CORIN: variants seen among roughly 807,000 people sequenced by gnomAD.
The protein encoded by CORIN is atrial natriuretic peptide-converting enzyme.
A neutral mutation model predicts 125.3 loss-of-function variants in CORIN; 117 were observed. The observed-to-expected ratio is 0.93, with a 90% confidence interval of 0.80 to 1.09. The LOEUF is 1.09. Ranked by LOEUF, CORIN falls within the 50% of genes least tolerant of loss-of-function variation. The pLI is 0.00. For missense variants in CORIN, 1,253 were observed against 1,306.7 expected, an observed-to-expected ratio of 0.96 and a Z score of 0.63; for synonymous variants, 450 against 466.4, an observed-to-expected ratio of 0.96 and a Z score of 0.45.
chr4:47,762,953 C>A (rs2109870144), intron 4 of CORIN, among the ~76,000 whole-genome samples: 1 of 152,304 alleles, frequency 6.6e-6, no homozygotes, highest in South Asian at 2.1e-4. Flanking sequence ...TCTCTAGGTG[C>A]TACTGGCCAT....
intron 19 of CORIN, among the ~76,000 whole-genome samples, chr4:47,619,551 T>TA (rs1199996683): frequency 6.6e-6 from 1 of 152,250 alleles, no homozygotes; most frequent in African/African-American, 2.4e-5. Context: ...TTCTTCTGGA[T>TA]AGACTAGGCC....
At chr4:47,764,125 T>A (rs1300497144) in intron 3 of CORIN, among the ~76,000 whole-genome samples, 1 of 152,210 alleles carries the variant, frequency 6.6e-6, no homozygotes, top group East Asian at 1.9e-4. Context: ...TTTAGGTACA[T>A]GAAAGATGCT....
chr4:47,643,222 G>T lies in CORIN; in HGVS notation c.1992C>A (p.Asn664Lys), dbSNP rs1490165516. 2 of 1,612,108 alleles carry T rather than the reference G, an allele frequency of 1.2e-6. No individual in the cohort carries two copies. Among genetic ancestry groups the T allele is most frequent in the African/African-American group, 1.3e-5 (1 of 74,890 alleles). The change falls in exon 15 of 22, where the codon AAC becomes AAA. Residue 664 changes from asparagine (N) to lysine (K), a missense_variant. Physicochemically the swap from Asn to Lys is moderately conservative, Grantham distance 94. Coordinates refer to ENST00000273857, the MANE Select transcript of CORIN (RefSeq NM_006587.4). The part of the protein sequence containing the change: ...FCQDDELECA[N>K]HACVSRDLWC... ...ACAGGTCACGTGACACACACGCATGGTTTGCACATTCCAGCTCATCATCTT... is the reference window on the plus strand; with the variant it reads ...ACAGGTCACGTGACACACACGCATGTTTTGCACATTCCAGCTCATCATCTT...
intron 21 of CORIN, 72 bp from the exon 22 acceptor site, chr4:47,595,975 G>A (rs1285083599): frequency 3.1e-6 from 4 of 1,283,688 alleles, no homozygotes; most frequent in Non-Finnish European, 4.3e-6. Flanking sequence ...CTATCCTGAG[G>A]ATACTATAAA....
intron 5 of CORIN, among the ~76,000 whole-genome samples, chr4:47,717,449 C>A (rs1727144357): frequency 6.6e-6 from 1 of 152,096 alleles, no homozygotes; most frequent in Non-Finnish European, 1.5e-5. Flanking sequence ...CCAAGAAATC[C>A]TTCATTCAGC....
chr4:47,785,809 G>A (rs999240885), intron 3 of CORIN, among the ~76,000 whole-genome samples: 2 of 151,572 alleles, frequency 1.3e-5, no homozygotes, highest in Non-Finnish European at 2.9e-5. Flanking sequence ...CTACTCAGGC[G>A]GCTGAGGCAG....
intron 19 of CORIN, among the ~76,000 whole-genome samples, chr4:47,621,868 C>CT (rs1203583166): frequency 1.4e-5 from 2 of 146,034 alleles, no homozygotes; most frequent in African/African-American, 2.5e-5. Context: ...TTTTTTTATA[C>CT]TTTAAGTTTT....
intron 2 of CORIN, among the ~76,000 whole-genome samples, chr4:47,804,731 TGGGGAG>T (rs1731692811): frequency 1.5e-4 from 2 of 13,456 alleles, no homozygotes; most frequent in Non-Finnish European, 3.2e-4. Context: ...TGGTGGGGGG[TGGGGAG>T]GGGGGGGGTT....
intron 19 of CORIN, among the ~76,000 whole-genome samples, chr4:47,615,067 T>C (rs1255102538): frequency 6.6e-6 from 1 of 152,126 alleles, no homozygotes; most frequent in Non-Finnish European, 1.5e-5. Context: ...GTTTTATGAC[T>C]CTATGAAAGT....
At chr4:47,706,745 T>C in intron 5 of CORIN, 1 of 1,601,770 alleles carries the variant, frequency 6.2e-7, no homozygotes, top group Non-Finnish European at 8.5e-7. Context: ...TGGTGAAGAT[T>C]CCACATACAA....
At chr4:47,815,743 C>CG (rs1188145234) in intron 1 of CORIN, among the ~76,000 whole-genome samples, 5 of 151,812 alleles carry the variant, frequency 3.3e-5, no homozygotes, top group Admixed American at 6.6e-5. Context: ...ATAGAGAATA[C>CG]GGGGGGAAAG....
intron 1 of CORIN, among the ~76,000 whole-genome samples, chr4:47,807,993 T>A (rs980899068): frequency 6.6e-6 from 1 of 152,230 alleles, no homozygotes; most frequent in Admixed American, 6.5e-5. Flanking sequence ...AACTACCTCC[T>A]GAATCTCTCT....
chr4:47,784,629 C>T (rs893116872), intron 3 of CORIN, among the ~76,000 whole-genome samples: 4 of 152,156 alleles, frequency 2.6e-5, no homozygotes, highest in African/African-American at 9.7e-5. Flanking sequence ...AAGAAAATAA[C>T]AATTACTGTA....
intron 3 of CORIN, among the ~76,000 whole-genome samples, chr4:47,766,629 A>G (rs149713775): frequency 0.012 from 1,805 of 152,178 alleles, 12 homozygotes; most frequent in Middle Eastern, 0.024. Flanking sequence ...ACAAATAGAG[A>G]AGGCATCATT....
At chr4:47,657,170 T>C (rs1724023216) in intron 12 of CORIN, among the ~76,000 whole-genome samples, 3 of 152,184 alleles carry the variant, frequency 2.0e-5, no homozygotes, top group Non-Finnish European at 4.4e-5. Flanking sequence ...TGTTCATGGA[T>C]TGGAAGAATC....
chr4:47,605,721 G>A (rs765141572), intron 19 of CORIN, among the ~76,000 whole-genome samples: 17 of 152,176 alleles, frequency 1.1e-4, no homozygotes, highest in Non-Finnish European at 1.8e-4. Context: ...TTCTCTGGGC[G>A]TCACTTCTAA....
intron 19 of CORIN, among the ~76,000 whole-genome samples, chr4:47,617,973 CAGGCATGGCAGT>C (rs59286293): frequency 0.27 from 40,697 of 151,738 alleles, 5,575 homozygotes; most frequent in Admixed American, 0.35. Flanking sequence ...TGTTGAAAGT[CAGGCATGGCAGT>C]AATCTGCATT....
At chr4:47,830,337 C>T (rs775321695) in intron 1 of CORIN, among the ~76,000 whole-genome samples, 7 of 152,186 alleles carry the variant, frequency 4.6e-5, no homozygotes, top group South Asian at 2.1e-4. Flanking sequence ...CAGGATCACA[C>T]GTGGAACTGC....
chr4:47,817,781 A>T (rs1478084555), intron 1 of CORIN, among the ~76,000 whole-genome samples: 1 of 152,182 alleles, frequency 6.6e-6, no homozygotes, highest in East Asian at 1.9e-4. Context: ...AATCCTTAAG[A>T]TGCACAGAAT....
Sources: allele counts gnomAD v4.1 joint callset (sites outside exome capture counted in the v4.1 genomes callset), GRCh38; gene constraint gnomAD v4.1.1; transcripts MANE v1.5; gene names NCBI Gene and HGNC (gene_info 2026-07-23, HGNC 2026-07-21).